MFSD2A: variants seen among roughly 807,000 people sequenced by gnomAD.
The protein encoded by MFSD2A is MFSD2 lysolipid transporter A, lysophospholipid, also known as sodium-dependent lysophosphatidylcholine symporter 1.
A neutral mutation model predicts 64.7 loss-of-function variants in MFSD2A; 27 were observed. That is an observed-to-expected ratio of 0.42 (90% CI 0.31 to 0.58). The LOEUF (loss-of-function observed/expected upper bound fraction) is 0.58, where lower values mean the gene tolerates loss of function less well. MFSD2A is among the 20% of genes least tolerant of loss of function. MFSD2A has a pLI of 0.18. For synonymous variants in MFSD2A, 258 were observed against 273.4 expected (o/e 0.94, Z 0.55); for missense variants, 474 against 679.5 (o/e 0.70, Z 3.36).
chr1:39,969,397 A>G (rs1645234918), intron 13 of MFSD2A, 108 bp from the exon 14 acceptor site: 1 of 915,184 alleles, frequency 1.1e-6, no homozygotes, highest in African/African-American at 1.7e-5. Context: ...CCCGCGGTTC[A>G]CTTTAGTCCG....
chr1:39,966,621 AG>A lies in MFSD2A; in HGVS notation c.736del (p.Ala246ArgfsTer9). The A allele has an allele frequency of 6.2e-7, 1 of 1,613,564 alleles. No individual in the cohort carries two copies. The highest frequency in any genetic ancestry group is 1.1e-5 in the South Asian group (1 of 91,004). On this transcript the variant is annotated frameshift_variant, in exon 7 of 14. Transcript: ENST00000372811. LOFTEE classifies it high-confidence loss of function. ...RETQKAYLLA[A>X]GVIVCIYIIC... ...TATAGCAAAAGGCATACCTGCTGGC[AG>A]CGGGGGTCATTGTCTGTATCTATAT...
rs1333338121 is a variant in MFSD2A at position 39,969,844 on chromosome 1, T to A, written c.*276T>A. 10 of 314,652 alleles carry A rather than the reference T, an allele frequency of 3.2e-5. No individual in the cohort carries two copies. The highest frequency in any genetic ancestry group is 4.1e-5 in the Non-Finnish European group (8 of 194,970). The allele number at this position is 314,652 out of a possible 1,614,324, so 19.5% of individuals were successfully genotyped here. ...GCCCGGAACACTAATGTAGAAACCT[T>A]TTTTTTTACAGAGCCTAATTAATAA... On this transcript the variant is annotated 3_prime_UTR_variant, in exon 14 of 14. Coordinates refer to ENST00000372811, the MANE Select transcript of MFSD2A (RefSeq NM_032793.5).
At position 39,965,347 on chromosome 1, in the gene MFSD2A, A is replaced by C. The variant is rs1454872497; in HGVS notation, c.477+13A>C. On this transcript the variant is annotated intron_variant, in intron 4 of 13. Transcript: ENST00000372811. The surrounding 1 kb of genome is among the most constrained non-coding windows in gnomAD (Gnocchi z 5.5). The stretch of plus-strand genomic sequence containing the variant: ...AACAATGGTCACGGTGAGTGTGGGT[A>C]CCTCCCTTGGGTGTCTCTAGGGGCC... 6.2e-7 allele frequency: 1 copy of C among 1,613,282 alleles called. No individual in the cohort carries two copies. The highest frequency in any genetic ancestry group is 8.5e-7 in the Non-Finnish European group (1 of 1,179,878).
intron 1 of MFSD2A, 101 bp from the exon 2 acceptor site, chr1:39,956,982 GTTGT>G (rs1220483608): frequency 6.5e-6 from 6 of 925,020 alleles, no homozygotes; most frequent in South Asian, 1.4e-5. Flanking sequence ...TCAAAGCAGA[GTTGT>G]TTGTTCTGGT....
chr1:39,956,097 T>C (rs1244114796), intron 1 of MFSD2A, among the ~76,000 whole-genome samples: 1 of 152,234 alleles, frequency 6.6e-6, no homozygotes, highest in African/African-American at 2.4e-5. Flanking sequence ...GCTGTTACTA[T>C]GTATGAGTAA....
intron 3 of MFSD2A, chr1:39,962,953 A>C: frequency 6.4e-7 from 1 of 1,555,184 alleles, no homozygotes; most frequent in South Asian, 1.1e-5. Context: ...TACAATGGCC[A>C]TGTCGGTCTG....
Position 39,955,179 on chromosome 1 carries a change from A to C in MFSD2A, c.-114A>C. 1.8e-5 allele frequency: 14 copies of C among 798,390 alleles called. No homozygotes were observed. The highest frequency in any genetic ancestry group is 4.1e-5 in the South Asian group (1 of 24,150). 49.5% of individuals were successfully genotyped at this position (798,390 alleles called of 1,614,324 possible). A position where few individuals can be genotyped will look rare whatever the true frequency, so the allele number is the denominator to read the frequency against. On this transcript the variant is annotated 5_prime_UTR_variant, in exon 1 of 14. Transcript: ENST00000372811. The surrounding 1 kb of genome is among the most constrained non-coding windows in gnomAD (Gnocchi z 5.9). ...TCCTCGTCTGCCAGCCGGCTTGGCTAGCGCGCGGCGGCCGTGGCTAAGGCT... is the reference window on the plus strand; with the variant it reads ...TCCTCGTCTGCCAGCCGGCTTGGCTCGCGCGCGGCGGCCGTGGCTAAGGCT...
In MFSD2A at chr1:39,958,992, G is replaced by A. The variant is rs974992767; in HGVS notation, c.353+167G>A. ...CCGAGGCATCAGCTACCCTGAGCACGGGCACTGGCATGCTCAGCCAGTTCA... is the reference window on the plus strand; with the variant it reads ...CCGAGGCATCAGCTACCCTGAGCACAGGCACTGGCATGCTCAGCCAGTTCA... On this transcript the variant is annotated intron_variant, in intron 3 of 13. Coordinates refer to ENST00000372811, the MANE Select transcript of MFSD2A (RefSeq NM_032793.5). This position sits in a 1 kb window ranked among gnomAD's most constrained non-coding sequence, Gnocchi z 4.7. Among the ~76,000 whole-genome samples the A allele has an allele frequency of 6.6e-6, 1 of 152,134 alleles. No homozygotes were observed. Among genetic ancestry groups the A allele is most frequent in the African/African-American group, 2.4e-5 (1 of 41,404 alleles).
intron 6 of MFSD2A, 77 bp from the exon 7 acceptor site, chr1:39,966,524 A>G: frequency 1.7e-6 from 2 of 1,197,490 alleles, no homozygotes; most frequent in Non-Finnish European, 2.4e-6. Context: ...AAGATCATTG[A>G]GTGGGGCTGC....
chr1:39,965,226 G>C lies in MFSD2A; in HGVS notation c.369G>C (p.Thr123=). Reference sequence around the variant, plus strand: ...TCTTCCTCAGGATCATCTTCTCCACGCCCCTGGCCGTCATTGCCTACTTCC... The same window carrying C: ...TCTTCCTCAGGATCATCTTCTCCACCCCCCTGGCCGTCATTGCCTACTTCC... ...GRLMPWIIFS[T]PLAVIAYFLI... The change falls in exon 4 of 14, where the codon ACG becomes ACC. Residue 123 remains threonine, a synonymous_variant. Transcript: ENST00000372811. This position sits in a 1 kb window ranked among gnomAD's most constrained non-coding sequence, Gnocchi z 5.5. The C allele has an allele frequency of 6.2e-7, 1 of 1,614,004 alleles. No homozygotes were observed. Among genetic ancestry groups the C allele is most frequent in the Admixed American group, 1.7e-5 (1 of 60,004 alleles).
Position 39,955,471 on chromosome 1 carries a change from C to G in MFSD2A, c.93+86C>G. ...AGGGGCGTCCCGGGGTCGGCCTGGT[C>G]AGGGGACCATTGGGATAGCCAGGGA... On this transcript the variant is annotated intron_variant, in intron 1 of 13. Transcript: ENST00000372811. This position sits in a 1 kb window ranked among gnomAD's most constrained non-coding sequence, Gnocchi z 5.9. 7.3e-7 allele frequency: 1 copy of G among 1,364,318 alleles called. No homozygotes were observed. Among genetic ancestry groups the G allele is most frequent in the Non-Finnish European group, 1.0e-6 (1 of 987,010 alleles). 84.5% of individuals were successfully genotyped at this position (1,364,318 alleles called of 1,614,324 possible). A position where few individuals can be genotyped will look rare whatever the true frequency, so the allele number is the denominator to read the frequency against.
chr1:39,955,468 G>T lies in MFSD2A; in HGVS notation c.93+83G>T. The T allele has an allele frequency of 7.2e-7, 1 of 1,384,852 alleles. No individual in the cohort carries two copies. The highest frequency in any genetic ancestry group is 9.9e-7 in the Non-Finnish European group (1 of 1,005,744). 85.8% of individuals were successfully genotyped at this position (1,384,852 alleles called of 1,614,324 possible). Reference sequence around the variant, plus strand: ...ATCAGGGGCGTCCCGGGGTCGGCCTGGTCAGGGGACCATTGGGATAGCCAG... The same window carrying T: ...ATCAGGGGCGTCCCGGGGTCGGCCTTGTCAGGGGACCATTGGGATAGCCAG... On this transcript the variant is annotated intron_variant, in intron 1 of 13. Transcript: ENST00000372811. The surrounding 1 kb of genome is among the most constrained non-coding windows in gnomAD (Gnocchi z 5.9).
chr1:39,962,881 T>G lies in MFSD2A; in HGVS notation c.354-2330T>G, dbSNP rs146459052. On this transcript the variant is annotated intron_variant, in intron 3 of 13. Coordinates refer to ENST00000372811, the MANE Select transcript of MFSD2A (RefSeq NM_032793.5). ...GATGAGGTTTTGAAGATTATGCCAG[T>G]GCAGAAGCAGACCCGTGCCGGCCAG... 4.2e-3 allele frequency: 6,643 copies of G among 1,573,228 alleles called. 232 individuals carry two copies. In the Admixed American group the frequency reaches 0.08, roughly 19 times the overall value.
rs1645005570 is a variant in MFSD2A, at chr1:39,960,211, A to G, written c.353+1386A>G. On this transcript the variant is annotated intron_variant, in intron 3 of 13. Transcript: ENST00000372811. The surrounding 1 kb of genome is among the most constrained non-coding windows in gnomAD (Gnocchi z 4.8). ...TCAGGCGGGGGCTCTGGTTCCCTCC[A>G]GGACATCCTGCTTCAGGGTGTGGGG... Among the ~76,000 whole-genome samples the G allele has an allele frequency of 6.6e-6, 1 of 152,214 alleles. No homozygotes were observed. Among genetic ancestry groups the G allele is most frequent in the African/African-American group, 2.4e-5 (1 of 41,462 alleles).
At chr1:39,956,511 T>C (rs1644931974) in intron 1 of MFSD2A, among the ~76,000 whole-genome samples, 1 of 152,130 alleles carries the variant, frequency 6.6e-6, no homozygotes, top group Non-Finnish European at 1.5e-5. Context: ...TGCTGGAGCA[T>C]GCTCCCCCTG....
At position 39,968,329 on chromosome 1, in the gene MFSD2A, C is replaced by T. The variant is rs200035523; in HGVS notation, c.1209-5C>T. 75 of 1,614,140 alleles carry T rather than the reference C, an allele frequency of 4.6e-5. No homozygotes were observed. In the East Asian group the frequency reaches 1.5e-3, roughly 32 times the overall value. Reference sequence around the variant, plus strand: ...AGTCCTCATGGCTGTCACTACTCTGCGCAGGTCCATGCTGCCTGATGTCAT... The same window carrying T: ...AGTCCTCATGGCTGTCACTACTCTGTGCAGGTCCATGCTGCCTGATGTCAT... On this transcript the variant is annotated splice_region_variant and splice_polypyrimidine_tract_variant and intron_variant, in intron 11 of 13. Transcript: ENST00000372811. This position sits in a 1 kb window ranked among gnomAD's most constrained non-coding sequence, Gnocchi z 4.4.
At position 39,958,856 on chromosome 1, in the gene MFSD2A, C is replaced by A; in HGVS notation, c.353+31C>A. On this transcript the variant is annotated intron_variant, in intron 3 of 13. Transcript: ENST00000372811. The surrounding 1 kb of genome is among the most constrained non-coding windows in gnomAD (Gnocchi z 4.7). Reference sequence around the variant, plus strand: ...TAGAATATGCCCCTTCGAGGTGGCACAAGGCAGGACTTCCAGCATATCTGC... The same window carrying A: ...TAGAATATGCCCCTTCGAGGTGGCAAAAGGCAGGACTTCCAGCATATCTGC... The A allele has an allele frequency of 1.3e-6, 2 of 1,554,622 alleles. No homozygotes were observed. The highest frequency in any genetic ancestry group is 2.4e-5 in the South Asian group (2 of 81,944).
In MFSD2A at chr1:39,969,699, A is replaced by G; in HGVS notation, c.*131A>G. Reference sequence around the variant, plus strand: ...TGAAGACTCAAGGAGGTGGCCCAGGACACTTGCTGTGCTCACTGTGGGGCC... The same window carrying G: ...TGAAGACTCAAGGAGGTGGCCCAGGGCACTTGCTGTGCTCACTGTGGGGCC... On this transcript the variant is annotated 3_prime_UTR_variant, in exon 14 of 14. Coordinates refer to ENST00000372811, the MANE Select transcript of MFSD2A (RefSeq NM_032793.5). 1.1e-6 allele frequency: 1 copy of G among 878,028 alleles called. No individual in the cohort carries two copies. Among genetic ancestry groups the G allele is most frequent in the Non-Finnish European group, 1.8e-6 (1 of 567,960 alleles). 54.4% of individuals were successfully genotyped at this position (878,028 alleles called of 1,614,324 possible). A position where few individuals can be genotyped will look rare whatever the true frequency, so the allele number is the denominator to read the frequency against.
chr1:39,969,141 G>A (rs1645229101), intron 13 of MFSD2A, among the ~76,000 whole-genome samples: 1 of 152,190 alleles, frequency 6.6e-6, no homozygotes, highest in African/African-American at 2.4e-5. Flanking sequence ...GGGCGGAGCT[G>A]GGGTTTGAGC....
Sources: allele counts gnomAD v4.1 joint callset (sites outside exome capture counted in the v4.1 genomes callset), GRCh38; gene constraint gnomAD v4.1.1; non-coding constraint Gnocchi (gnomAD v3.1); transcripts MANE v1.5; gene names NCBI Gene and HGNC (gene_info 2026-07-23, HGNC 2026-07-21).